The following CPS1 variants were observed in gnomAD, a reference collection of about 807,000 sequenced individuals.
The protein encoded by CPS1 is carbamoyl-phosphate synthase [ammonia], mitochondrial.
Under a neutral mutation model 174.6 loss-of-function variants are expected in CPS1, and 109 were observed. The observed-to-expected ratio is 0.62, with a 90% CI of 0.53 to 0.73. The LOEUF (loss-of-function observed/expected upper bound fraction) is 0.73, where lower values mean the gene tolerates loss of function less well. CPS1 is among the 30% of genes least tolerant of loss of function. CPS1 has a pLI of 0.00. For synonymous variants in CPS1, 637 were observed against 632.0 expected (o/e 1.01, Z -0.12); for missense variants, 1,689 against 1,821.9 (o/e 0.93, Z 1.33).
intron 1 of CPS1, among the ~76,000 whole-genome samples, chr2:210,514,826 C>T (rs1695632921): frequency 6.8e-6 from 1 of 146,500 alleles, no homozygotes. Flanking sequence ...GCTGGTTGTG[C>T]ATTTGTCATA....
intron 1 of CPS1, among the ~76,000 whole-genome samples, chr2:210,567,853 AGAG>A (rs889898223): frequency 6.6e-6 from 1 of 152,152 alleles, no homozygotes; most frequent in Non-Finnish European, 1.5e-5. Flanking sequence ...TTTGCTTTCA[AGAG>A]GAGAAGATGA....
At chr2:210,594,676 C>A in intron 12 of CPS1, 70 bp downstream of exon 12, 1 of 1,089,798 alleles carries the variant, frequency 9.2e-7, no homozygotes, top group Non-Finnish European at 1.4e-6. Flanking sequence ...TTTTTAAAAA[C>A]TAAGTGATGT....
chr2:210,622,133 A>G (rs995500559), intron 21 of CPS1, among the ~76,000 whole-genome samples: 1 of 151,560 alleles, frequency 6.6e-6, no homozygotes, highest in Admixed American at 6.6e-5. Flanking sequence ...CTTTAGTAAA[A>G]AGTAAACATT....
At chr2:210,537,756 T>A (rs10932341) in intron 1 of CPS1, among the ~76,000 whole-genome samples, 58,277 of 151,940 alleles carry the variant, frequency 0.38, 11,501 homozygotes, top group Middle Eastern at 0.51. Context: ...GATGATGCAT[T>A]TGTGCTTAGT....
At position 210,640,075 on chromosome 2, in the gene CPS1, A is replaced by T. The variant is rs1365256081; in HGVS notation, c.2959+16A>T. ...TATCACATTGGTAAAATAATAAATTATGTGTATATAGGACTTTACACAATT... is the reference window on the plus strand; with the variant it reads ...TATCACATTGGTAAAATAATAAATTTTGTGTATATAGGACTTTACACAATT... On this transcript the variant is annotated intron_variant, in intron 24 of 37. Transcript: ENST00000233072. 6.8e-7 allele frequency: 1 copy of T among 1,472,952 alleles called. No individual in the cohort carries two copies. The highest frequency in any genetic ancestry group is 2.3e-5 in the East Asian group (1 of 44,104). The allele number at this position is 1,472,952 out of a possible 1,614,324, so 91.2% of individuals were successfully genotyped here. A position where few individuals can be genotyped will look rare whatever the true frequency, so the allele number is the denominator to read the frequency against.
intron 9 of CPS1, 91 bp from the exon 10 acceptor site, chr2:210,591,740 G>A: frequency 7.1e-7 from 1 of 1,417,218 alleles, no homozygotes. Flanking sequence ...ATTTTAATAG[G>A]CTTTACTTGT....
At chr2:210,623,897 C>A (rs1699616742) in intron 21 of CPS1, among the ~76,000 whole-genome samples, 1 of 151,958 alleles carries the variant, frequency 6.6e-6, no homozygotes, top group South Asian at 2.1e-4. Flanking sequence ...AAAAGTGTCA[C>A]CTAAGAGTTG....
chr2:210,579,772 T>C lies in CPS1; in HGVS notation c.528+2T>C, dbSNP rs1574548003. 1 of 1,611,300 alleles carries C rather than the reference T, an allele frequency of 6.2e-7. No homozygotes were observed. The highest frequency in any genetic ancestry group is 8.5e-7 in the Non-Finnish European group (1 of 1,178,588). ...CTGACTAAAATAATTCGGGATAAGG[T>C]ATAATCATCATCTTTAGCCAAATCT... On this transcript the variant is annotated splice_donor_variant, in intron 5 of 37. Coordinates refer to ENST00000233072, the MANE Select transcript of CPS1 (RefSeq NM_001875.5). LOFTEE classifies it high-confidence loss of function.
chr2:210,605,120 C>A lies in CPS1; in HGVS notation c.1855C>A (p.Gln619Lys). Residue 619 changes from glutamine to lysine, a missense_variant, in exon 17 of 38, where the codon CAA (glutamine) becomes AAA (lysine). Gln to Lys is a moderately conservative substitution (Grantham distance 53). Transcript: ENST00000233072. ...LSTKAFAMTN[Q>K]ILVEKSVTGW... Reference sequence around the variant, plus strand: ...TTTCTAGGCCTTTGCTATGACCAACCAAATTCTGGTGGAGAAGTCAGTGAC... The same window carrying A: ...TTTCTAGGCCTTTGCTATGACCAACAAAATTCTGGTGGAGAAGTCAGTGAC... 3.7e-6 allele frequency: 6 copies of A among 1,611,880 alleles called. No individual in the cohort carries two copies. The highest frequency in any genetic ancestry group is 5.1e-6 in the Non-Finnish European group (6 of 1,178,624).
chr2:210,574,400 A>G (rs1697616880), intron 2 of CPS1, among the ~76,000 whole-genome samples: 2 of 152,196 alleles, frequency 1.3e-5, no homozygotes, highest in Middle Eastern at 6.8e-3. Context: ...ATACTAATTG[A>G]CCAAACTTCC....
intron 1 of CPS1, among the ~76,000 whole-genome samples, chr2:210,508,879 C>A (rs1283140286): frequency 6.6e-6 from 1 of 152,078 alleles, no homozygotes; most frequent in Admixed American, 6.5e-5. Flanking sequence ...GAAATTGAGG[C>A]AATAATTAAT....
intron 28 of CPS1, among the ~76,000 whole-genome samples, chr2:210,651,749 A>G (rs1700565299): frequency 6.6e-6 from 1 of 152,242 alleles, no homozygotes; most frequent in Admixed American, 6.5e-5. Flanking sequence ...CTATCAAACT[A>G]CAGCAGCATC....
At chr2:210,677,264 T>G in intron 37 of CPS1, 128 bp downstream of exon 37, 1 of 966,766 alleles carries the variant, frequency 1.0e-6, no homozygotes, top group African/African-American at 1.6e-5. Context: ...GAGGAATTTT[T>G]AATAATCTAA....
chr2:210,640,194 G>C (rs1420283484), intron 24 of CPS1, 135 bp downstream of exon 24: 1 of 647,800 alleles, frequency 1.5e-6, no homozygotes, highest in Non-Finnish European at 2.6e-6. Context: ...GGAAGCTGGG[G>C]TTCAGAAAAA....
chr2:210,597,542 A>T (rs921257475), intron 13 of CPS1, among the ~76,000 whole-genome samples: 1 of 151,846 alleles, frequency 6.6e-6, no homozygotes, highest in African/African-American at 2.4e-5. Context: ...CATAAAATAT[A>T]TTTAATGTTT....
chr2:210,484,487 G>T lies in CPS1; in HGVS notation c.3+6721G>T, dbSNP rs533212451. 9.1e-4 allele frequency among the ~76,000 whole-genome samples: 139 copies of T among 152,230 alleles called. 3 individuals carry two copies. The highest frequency in any genetic ancestry group is 3.2e-3 in the African/African-American group (134 of 41,548). On this transcript the variant is annotated intron_variant, in intron 1 of 38. Transcript: ENST00000430249. ...AGAACTGATGTTTATGATTTCTTTT[G>T]AATAAACATAGAAATTGACCCTCCT...
chr2:210,579,474 G>A (rs1697835968), intron 4 of CPS1, among the ~76,000 whole-genome samples: 1 of 152,158 alleles, frequency 6.6e-6, no homozygotes, highest in African/African-American at 2.4e-5. Flanking sequence ...GAAGATTGAT[G>A]TTCAGAATTT....
At chr2:210,520,909 C>G (rs1695806580) in intron 1 of CPS1, among the ~76,000 whole-genome samples, 1 of 151,952 alleles carries the variant, frequency 6.6e-6, no homozygotes, top group Admixed American at 6.6e-5. Context: ...CTGCTAAGAG[C>G]ATTCATGTGC....
At chr2:210,607,693 C>A (rs1467791391) in intron 18 of CPS1, among the ~76,000 whole-genome samples, 1 of 151,862 alleles carries the variant, frequency 6.6e-6, no homozygotes, top group Non-Finnish European at 1.5e-5. Context: ...TTGAGCACAT[C>A]ACTCATTGTC....
Sources: allele counts gnomAD v4.1 joint callset (sites outside exome capture counted in the v4.1 genomes callset), GRCh38; gene constraint gnomAD v4.1.1; transcripts MANE v1.5; gene names NCBI Gene and HGNC (gene_info 2026-07-23, HGNC 2026-07-21).